STEAP2: variants seen among roughly 807,000 people sequenced by gnomAD.
STEAP2 encodes the protein metalloreductase STEAP2.
A neutral mutation model predicts 46.4 loss-of-function variants in STEAP2; 30 were observed. That is an observed-to-expected ratio of 0.65 (90% CI 0.48 to 0.88). STEAP2 has a LOEUF of 0.88. Ranked by LOEUF, STEAP2 falls within the 40% of genes least tolerant of loss-of-function variation. The pLI, the probability that STEAP2 is intolerant of heterozygous loss-of-function variation, is 0.00. For synonymous variants in STEAP2, 180 were observed against 200.5 expected, an observed-to-expected ratio of 0.90 and a Z score of 0.86; for missense variants, 513 against 579.3, an observed-to-expected ratio of 0.89 and a Z score of 1.18.
At chr7:90,240,204 C>A (rs1284252981), downstream of STEAP2, among the ~76,000 whole-genome samples, 2 of 151,842 alleles carry the variant, frequency 1.3e-5, no homozygotes, top group Non-Finnish European at 2.9e-5. This position sits in a 1 kb window ranked among gnomAD's most constrained non-coding sequence, Gnocchi z 4.1. Flanking sequence ...CACCTGAGCC[C>A]AGGGAGGTCA....
chr7:90,216,351 G>A (rs1436300820), intron 1 of STEAP2, 140 bp from the exon 2 acceptor site: 1 of 152,176 alleles, frequency 6.6e-6, no homozygotes, highest in Non-Finnish European at 1.5e-5. Flanking sequence ...TGGAGAACTG[G>A]GGAGGGGATC....
In STEAP2 at chr7:90,235,925, T is replaced by A; in HGVS notation, c.*3301T>A. 1 of 982,740 alleles carries A rather than the reference T, an allele frequency of 1.0e-6. No homozygotes were observed. The highest frequency in any genetic ancestry group is 1.2e-6 in the Non-Finnish European group (1 of 827,502). 60.9% of individuals were successfully genotyped at this position (982,740 alleles called of 1,614,324 possible). A position where few individuals can be genotyped will look rare whatever the true frequency, so the allele number is the denominator to read the frequency against. On this transcript the variant is annotated 3_prime_UTR_variant, in exon 6 of 6. Coordinates refer to ENST00000394621, the MANE Select transcript of STEAP2 (RefSeq NM_001244944.2). The stretch of plus-strand genomic sequence containing the variant: ...ATACAGGTTGGCTAATGAGCTCTAG[T>A]GTTAAACTACCTGATTAATTTCTTA...
downstream of STEAP2, among the ~76,000 whole-genome samples, chr7:90,241,190 ACT>A (rs1554345401): frequency 1.3e-5 from 2 of 151,638 alleles, no homozygotes; most frequent in African/African-American, 4.9e-5. Flanking sequence ...ACACACACAC[ACT>A]CACACACATG....
intron 1 of STEAP2, among the ~76,000 whole-genome samples, chr7:90,215,090 G>A (rs950520852): frequency 3.9e-5 from 6 of 152,162 alleles, no homozygotes; most frequent in African/African-American, 1.4e-4. Context: ...AGGGTATGGT[G>A]AAGTACCATG....
Position 90,233,175 on chromosome 7 carries a change from G to A in STEAP2, c.*551G>A. ...TGAAGGATGAAATTAATTGTATGAA[G>A]CAATGTGATTATATGAAGAGACACA... On this transcript the variant is annotated 3_prime_UTR_variant, in exon 6 of 6. Coordinates refer to ENST00000394621, the MANE Select transcript of STEAP2 (RefSeq NM_001244944.2). The A allele has an allele frequency of 1.0e-6, 1 of 978,980 alleles. No homozygotes were observed. The highest frequency in any genetic ancestry group is 1.2e-6 in the Non-Finnish European group (1 of 824,472). The allele number at this position is 978,980 out of a possible 1,614,324, so 60.6% of individuals were successfully genotyped here. A position where few individuals can be genotyped will look rare whatever the true frequency, so the allele number is the denominator to read the frequency against.
At position 90,235,177 on chromosome 7, in the gene STEAP2, C is replaced by T. The variant is rs1795920170; in HGVS notation, c.*2553C>T. On this transcript the variant is annotated 3_prime_UTR_variant, in exon 6 of 6. Transcript: ENST00000394621. ...ACTCTAAATAAAAATACCACTGTTA[C>T]AGATAAATGGGGCCTTTAAAAATAT... 1 of 970,702 alleles carries T rather than the reference C, an allele frequency of 1.0e-6. No individual in the cohort carries two copies. Among genetic ancestry groups the T allele is most frequent in the Admixed American group, 6.2e-5 (1 of 16,248 alleles). The allele number at this position is 970,702 out of a possible 1,614,324, so 60.1% of individuals were successfully genotyped here.
chr7:90,237,921 T>G (rs191546191), downstream of STEAP2, among the ~76,000 whole-genome samples: 49 of 152,280 alleles, frequency 3.2e-4, no homozygotes, highest in Non-Finnish European at 5.7e-4. Context: ...AGAAATTTTG[T>G]CTTATTTACT....
rs887683547 is a variant in STEAP2 at position 90,232,975 on chromosome 7, G to A, written c.*351G>A. 80 of 965,836 alleles carry A rather than the reference G, an allele frequency of 8.3e-5. No homozygotes were observed. The African/African-American group carries it at 1.4e-3, about 16-fold the overall frequency. The allele number at this position is 965,836 out of a possible 1,614,324, so 59.8% of individuals were successfully genotyped here. ...AATTTGCAAACCAGCAGAATTTTAAGCTTTTAAAATAATTCAATGGATATA... is the reference window on the plus strand; with the variant it reads ...AATTTGCAAACCAGCAGAATTTTAAACTTTTAAAATAATTCAATGGATATA... On this transcript the variant is annotated 3_prime_UTR_variant, in exon 6 of 6. Coordinates refer to ENST00000394621, the MANE Select transcript of STEAP2 (RefSeq NM_001244944.2).
At chr7:90,238,985 C>T (rs1428874511), downstream of STEAP2, among the ~76,000 whole-genome samples, 2 of 151,810 alleles carry the variant, frequency 1.3e-5, no homozygotes, top group East Asian at 1.9e-4. Context: ...GTCCTGTAGG[C>T]GAGAATACCA....
At chr7:90,242,004 G>A (rs538697793), downstream of STEAP2, among the ~76,000 whole-genome samples, 64 of 152,272 alleles carry the variant, frequency 4.2e-4, no homozygotes, top group Admixed American at 9.8e-4. Context: ...ACCCAAGATG[G>A]CTGGCTGTGG....
intron 5 of STEAP2, 50 bp downstream of exon 5, chr7:90,230,086 G>C (rs755869284): frequency 1.1e-4 from 170 of 1,579,824 alleles, no homozygotes; most frequent in Non-Finnish European, 1.4e-4. Context: ...GGATTTCCTT[G>C]TTAAGAACAA....
chr7:90,237,072 C>G lies in STEAP2; in HGVS notation c.*4448C>G, dbSNP rs777045278. The G allele has an allele frequency of 3.0e-6, 3 of 997,908 alleles. No homozygotes were observed. Among genetic ancestry groups the G allele is most frequent in the Non-Finnish European group, 4.5e-6 (3 of 673,534 alleles). The allele number at this position is 997,908 out of a possible 1,614,324, so 61.8% of individuals were successfully genotyped here. ...TCCTCAAAGGAAGGCAGCATGTGTC[C>G]TTTTTCATCCCTTCATCTTGCTGCT... On this transcript the variant is annotated 3_prime_UTR_variant, in exon 6 of 6. Transcript: ENST00000394621.
At chr7:90,212,599 G>A (rs181934397) in intron 1 of STEAP2, among the ~76,000 whole-genome samples, 9 of 152,292 alleles carry the variant, frequency 5.9e-5, no homozygotes, top group Non-Finnish European at 1.0e-4. Flanking sequence ...GCCAAAACTT[G>A]TTGAAAATTA....
Position 90,236,103 on chromosome 7 carries a change from TTAATA to T in STEAP2, c.*3482_*3486del. ...AGAATATATCCAATTTTTAAATATT[TTAATA>T]TATCTCCTATCTGATAACTTAATTC... On this transcript the variant is annotated 3_prime_UTR_variant, in exon 6 of 6. Coordinates refer to ENST00000394621, the MANE Select transcript of STEAP2 (RefSeq NM_001244944.2). 1 of 648,350 alleles carries T rather than the reference TTAATA, an allele frequency of 1.5e-6. No individual in the cohort carries two copies. The highest frequency in any genetic ancestry group is 7.1e-5 in the South Asian group (1 of 14,050). The allele number at this position is 648,350 out of a possible 1,614,324, so 40.2% of individuals were successfully genotyped here.
chr7:90,212,101 A>C (rs1371854467), intron 1 of STEAP2, 56 bp downstream of exon 1: 1 of 152,480 alleles, frequency 6.6e-6, no homozygotes, highest in African/African-American at 2.4e-5. Flanking sequence ...GTTGAGGGTC[A>C]AGATGCAGTC....
chr7:90,232,048 CATG>C (rs748800043), intron 5 of STEAP2, among the ~76,000 whole-genome samples: 7 of 151,788 alleles, frequency 4.6e-5, no homozygotes, highest in Non-Finnish European at 8.8e-5. Context: ...TATTTAATGA[CATG>C]AGGAAAATGT....
chr7:90,227,153 T>G lies in STEAP2; in HGVS notation c.675T>G (p.Phe225Leu), dbSNP rs1324408719. The part of the protein sequence containing the change: ...PVVVAISLAT[F>L]FFLYSFVRDV... ...TGGTAGCTATAAGCTTGGCCACATT[T>G]TTTTTCCTTTATTCCTTTGTCAGAG... Residue 225 changes from phenylalanine to leucine, a missense_variant, in exon 4 of 6, where the codon TTT (phenylalanine) becomes TTG (leucine). Physicochemically the swap from Phe to Leu is conservative, Grantham distance 22. Coordinates refer to ENST00000394621, the MANE Select transcript of STEAP2 (RefSeq NM_001244944.2). 2 of 1,613,606 alleles carry G rather than the reference T, an allele frequency of 1.2e-6. No individual in the cohort carries two copies. Among genetic ancestry groups the G allele is most frequent in the Non-Finnish European group, 1.7e-6 (2 of 1,179,868 alleles).
At chr7:90,239,524 T>C (rs1584258874), downstream of STEAP2, among the ~76,000 whole-genome samples, 1 of 152,226 alleles carries the variant, frequency 6.6e-6, no homozygotes, top group Non-Finnish European at 1.5e-5. Flanking sequence ...ACCTGTCTGA[T>C]TAATCTTGCT....
chr7:90,234,842 G>C lies in STEAP2; in HGVS notation c.*2218G>C, dbSNP rs748065506. ...GCTGGGATTACAGGTGTGAGCTACC[G>C]CGCCCGGCCTATTATCTTGTACTTT... On this transcript the variant is annotated 3_prime_UTR_variant, in exon 6 of 6. Transcript: ENST00000394621. 7 of 984,562 alleles carry C rather than the reference G, an allele frequency of 7.1e-6. No individual in the cohort carries two copies. Among genetic ancestry groups the C allele is most frequent in the Non-Finnish European group, 8.4e-6 (7 of 829,304 alleles). The allele number at this position is 984,562 out of a possible 1,614,324, so 61.0% of individuals were successfully genotyped here.
Sources: gnomAD v4.1 joint callset for allele counts (sites outside exome capture counted in the v4.1 genomes callset) on GRCh38, gnomAD v4.1.1 for gene constraint, Gnocchi (gnomAD v3.1) non-coding constraint, MANE v1.5 for transcripts, NCBI Gene and HGNC (gene_info 2026-07-23, HGNC 2026-07-21) for gene names.